The following RARS1 variants were observed in gnomAD, a reference collection of about 807,000 sequenced individuals.
RARS1 encodes the protein arginyl-tRNA synthetase 1, also known as arginine--tRNA ligase, cytoplasmic.
RARS1 carries 75 observed loss-of-function variants against 78.7 expected under a neutral mutation model. The observed-to-expected ratio is 0.95, with a 90% CI of 0.79 to 1.15. The LOEUF is 1.15. Ranked by LOEUF, RARS1 falls within the 50% of genes most tolerant of loss-of-function variation. The pLI, the probability that RARS1 is intolerant of heterozygous loss-of-function variation, is 0.00. For missense variants in RARS1, 787 were observed against 787.5 expected, an observed-to-expected ratio of 1.00 and a Z score of 0.01; for synonymous variants, 273 against 268.2, an observed-to-expected ratio of 1.02 and a Z score of -0.18.
intron 2 of RARS1, among the ~76,000 whole-genome samples, chr5:168,488,975 G>A (rs1758024702): frequency 6.6e-6 from 1 of 152,156 alleles, no homozygotes. Context: ...CTAACTGTTT[G>A]GCTAACTTAA....
chr5:168,502,967 G>T (rs1228615825), intron 9 of RARS1, among the ~76,000 whole-genome samples: 1 of 152,022 alleles, frequency 6.6e-6, no homozygotes, highest in Non-Finnish European at 1.5e-5. Context: ...GAAGAAACTG[G>T]GCTATTTGTC....
At chr5:168,503,644 A>G (rs892868846) in intron 9 of RARS1, among the ~76,000 whole-genome samples, 3 of 152,044 alleles carry the variant, frequency 2.0e-5, no homozygotes, top group Non-Finnish European at 2.9e-5. Context: ...TCTGGTATAC[A>G]ATATTCCAGG....
At position 168,498,248 on chromosome 5, in the gene RARS1, T is replaced by TA. The variant is rs202134761; in HGVS notation, c.822+908dup. 5.1e-3 allele frequency among the ~76,000 whole-genome samples: 766 copies of TA among 151,290 alleles called. 6 individuals carry two copies. Among genetic ancestry groups the TA allele is most frequent in the African/African-American group, 0.018 (731 of 41,226 alleles). ...CTTATCTTAAAAGATAAAATTATATTAAAAAAAAGTAAAAAAAAATGAATT... is the reference window on the plus strand; with the variant it reads ...CTTATCTTAAAAGATAAAATTATATTAAAAAAAAAGTAAAAAAAAATGAATT... On this transcript the variant is annotated intron_variant, in intron 7 of 14. Transcript: ENST00000231572.
chr5:168,486,484 G>C lies in RARS1; in HGVS notation c.-15G>C, dbSNP rs771855543. 1.9e-6 allele frequency: 3 copies of C among 1,556,424 alleles called. No individual in the cohort carries two copies. In the South Asian group the frequency reaches 3.6e-5, roughly 18 times the overall value. On this transcript the variant is annotated 5_prime_UTR_variant, in exon 1 of 15. Coordinates refer to ENST00000231572, the MANE Select transcript of RARS1 (RefSeq NM_002887.4). ...CCGCTTCCGTCCACTTGGCGAGTGA[G>C]ACGCTGATGGGAGGATGGACGTACT...
intron 2 of RARS1, among the ~76,000 whole-genome samples, chr5:168,490,058 C>A (rs1183849313): frequency 6.6e-6 from 1 of 152,218 alleles, no homozygotes; most frequent in Non-Finnish European, 1.5e-5. Flanking sequence ...AGGTGATCTG[C>A]CTGTCTCGCC....
intron 2 of RARS1, among the ~76,000 whole-genome samples, chr5:168,490,934 C>T (rs895242641): frequency 1.3e-5 from 2 of 151,910 alleles, no homozygotes; most frequent in South Asian, 2.1e-4. Context: ...GTCAGGAGTT[C>T]GAGACCAGCC....
chr5:168,493,136 G>A (rs1415756107), intron 3 of RARS1: 1 of 263,266 alleles, frequency 3.8e-6, no homozygotes, highest in Non-Finnish European at 7.4e-6. Flanking sequence ...GCTGTGTGGT[G>A]GTGATGAGTG....
chr5:168,498,900 A>G (rs1194705076), intron 7 of RARS1, among the ~76,000 whole-genome samples: 1 of 152,128 alleles, frequency 6.6e-6, no homozygotes, highest in Non-Finnish European at 1.5e-5. Context: ...GAGACCAGGG[A>G]GACCAAGGCT....
In RARS1 at chr5:168,514,257, C is replaced by T. The variant is rs113605026; in HGVS notation, c.1453-2521C>T. 2.8e-3 allele frequency among the ~76,000 whole-genome samples: 429 copies of T among 152,242 alleles called. 2 individuals carry two copies. The highest frequency in any genetic ancestry group is 9.2e-3 in the African/African-American group (384 of 41,540). On this transcript the variant is annotated intron_variant, in intron 12 of 14. Coordinates refer to ENST00000231572, the MANE Select transcript of RARS1 (RefSeq NM_002887.4). ...ACTTCCTAAATCTGTGGGTTGAGTT[C>T]TTTCATCAGGTTAGGAGAATTCTTG...
chr5:168,493,422 A>G (rs1007723627), intron 3 of RARS1, among the ~76,000 whole-genome samples: 2 of 152,088 alleles, frequency 1.3e-5, no homozygotes, highest in Non-Finnish European at 1.5e-5. Flanking sequence ...GCACACCTTC[A>G]TGGCTTGAAA....
Position 168,518,061 on chromosome 5 carries a change from T to G in RARS1, c.1872T>G (p.Thr624=). ...ACTGTGTGGAGAAAGATAGACAGACTGGTGAGTGTCTTTTTTTTTTTTTTT... is the reference window on the plus strand; with the variant it reads ...ACTGTGTGGAGAAAGATAGACAGACGGGTGAGTGTCTTTTTTTTTTTTTTT... ...SCYCVEKDRQ[T]GKILKVNMWR... The change falls in exon 14 of 15, where the codon ACT becomes ACG. Residue 624 remains threonine, a splice_region_variant and synonymous_variant. Coordinates refer to ENST00000231572, the MANE Select transcript of RARS1 (RefSeq NM_002887.4). 7.3e-7 allele frequency: 1 copy of G among 1,373,658 alleles called. No homozygotes were observed. The highest frequency in any genetic ancestry group is 9.9e-7 in the Non-Finnish European group (1 of 1,012,588). The allele number at this position is 1,373,658 out of a possible 1,614,324, so 85.1% of individuals were successfully genotyped here.
chr5:168,492,704 A>G lies in RARS1; in HGVS notation c.226A>G (p.Ile76Val), dbSNP rs1023601269. 3 of 1,611,874 alleles carry G rather than the reference A, an allele frequency of 1.9e-6. No individual in the cohort carries two copies. The highest frequency in any genetic ancestry group is 1.3e-5 in the African/African-American group (1 of 74,910). ...CAAACCAACTAAAAATATGATTAACATTATTAGCCGCCTACAAGAGGTCTT... is the reference window on the plus strand; with the variant it reads ...CAAACCAACTAAAAATATGATTAACGTTATTAGCCGCCTACAAGAGGTCTT... The part of the protein sequence containing the change: ...RNKPTKNMIN[I>V]ISRLQEVFGH... Residue 76 changes from isoleucine (I) to valine (V), a missense_variant, in exon 3 of 15, where the codon ATT becomes GTT. Transcript: ENST00000231572.
intron 1 of RARS1, chr5:168,488,183 A>G: frequency 2.6e-6 from 1 of 384,920 alleles, no homozygotes; most frequent in Non-Finnish European, 5.1e-6. Flanking sequence ...ACTGGAGTGC[A>G]GTGGCACGAT....
At chr5:168,509,446 C>A (rs1758521234) in intron 11 of RARS1, among the ~76,000 whole-genome samples, 1 of 147,306 alleles carries the variant, frequency 6.8e-6, no homozygotes, top group African/African-American at 2.5e-5. Flanking sequence ...ACACCCCCCC[C>A]CCCCCACCAA....
rs757977687 is a variant in RARS1, at chr5:168,506,798, A to G, written c.1313A>G (p.His438Arg). The G allele has an allele frequency of 5.0e-6, 8 of 1,613,484 alleles. No individual in the cohort carries two copies. The highest frequency in any genetic ancestry group is 1.3e-5 in the African/African-American group (1 of 74,918). The change falls in exon 11 of 15, where the codon CAT (histidine) becomes CGT (arginine). Residue 438 changes from histidine (H) to arginine (R), a missense_variant. By Grantham distance (29) the His-to-Arg change is conservative (BLOSUM62 0). Transcript: ENST00000231572. Reference sequence around the variant, plus strand: ...GACCCTAAAGTAACTCGAGTCTTCCATGCTGGATTTGGTGTGGTGCTAGGG... The same window carrying G: ...GACCCTAAAGTAACTCGAGTCTTCCGTGCTGGATTTGGTGTGGTGCTAGGG... ...WYDPKVTRVF[H>R]AGFGVVLGED...
chr5:168,493,814 C>G, intron 3 of RARS1, 80 bp from the exon 4 acceptor site: 1 of 1,083,830 alleles, frequency 9.2e-7, no homozygotes, highest in Non-Finnish European at 1.4e-6. Context: ...TAAAATGCAT[C>G]TCGTGCCTTG....
At chr5:168,500,881 C>T (rs1758306115) in intron 8 of RARS1, among the ~76,000 whole-genome samples, 161 bp downstream of exon 8, 3 of 151,954 alleles carry the variant, frequency 2.0e-5, no homozygotes, top group South Asian at 2.1e-4. Context: ...AAATTTTGAA[C>T]CTGCCATAAG....
In RARS1 at chr5:168,516,193, C is replaced by CAAA. The variant is rs1192596976; in HGVS notation, c.1453-585_1453-584insAAA. 8.0e-3 allele frequency among the ~76,000 whole-genome samples: 1,214 copies of CAAA among 152,180 alleles called. 15 individuals carry two copies. Among genetic ancestry groups the CAAA allele is most frequent in the African/African-American group, 0.028 (1,154 of 41,518 alleles). ...CAACCAGTTGTTTCATATGTTTAAC[C>CAAA]CAGCTTTTAAATAGTTGCTTTTGGT... On this transcript the variant is annotated intron_variant, in intron 12 of 14. Transcript: ENST00000231572.
At chr5:168,507,194 C>T (rs1443046962) in intron 11 of RARS1, among the ~76,000 whole-genome samples, 1 of 152,116 alleles carries the variant, frequency 6.6e-6, no homozygotes, top group Non-Finnish European at 1.5e-5. Flanking sequence ...TTTTTTCCTT[C>T]AAAGTTGAAC....
Sources: allele counts gnomAD v4.1 joint callset (sites outside exome capture counted in the v4.1 genomes callset), GRCh38; gene constraint gnomAD v4.1.1; transcripts MANE v1.5; gene names NCBI Gene and HGNC (gene_info 2026-07-23, HGNC 2026-07-21).